Variants in STK32B observed in about 807,000 individuals in gnomAD.
The protein encoded by STK32B is serine/threonine kinase 32B.
Under a neutral mutation model 52.6 loss-of-function variants are expected in STK32B, and 43 were observed. That is an observed-to-expected ratio of 0.82 (90% CI 0.64 to 1.05). STK32B has a LOEUF of 1.05. STK32B is among the 50% of genes least tolerant of loss of function. The pLI, the probability that STK32B is intolerant of heterozygous loss-of-function variation, is 0.00. For synonymous variants in STK32B, 238 were observed against 204.3 expected (o/e 1.17, Z -1.41); for missense variants, 621 against 534.6 (o/e 1.16, Z -1.59).
intron 6 of STK32B, among the ~76,000 whole-genome samples, chr4:5,430,898 C>G (rs1207626862): frequency 6.6e-6 from 1 of 152,208 alleles, no homozygotes; most frequent in African/African-American, 2.4e-5. Flanking sequence ...AATAGGGTCT[C>G]TCTCTGTGCT....
chr4:5,451,776 A>G lies in STK32B; in HGVS notation c.666+5000A>G, dbSNP rs141867202. ...TTATGACAATCCAAAATGACTCCAA[A>G]CATTGCCACATATCCCCTGGGGGAC... is the stretch of plus-strand genomic sequence containing the variant. On this transcript the variant is annotated intron_variant, in intron 7 of 11. Coordinates refer to ENST00000282908, the MANE Select transcript of STK32B (RefSeq NM_018401.3). Among the ~76,000 whole-genome samples, 328 of 152,240 alleles carry G rather than the reference A, an allele frequency of 2.2e-3. 11 individuals are homozygous for G. The East Asian group carries it at 0.035, about 16-fold the overall frequency.
chr4:5,029,661 G>A, the STK32B span, among the ~76,000 whole-genome samples: 13 of 152,294 alleles, frequency 8.5e-5, no homozygotes, highest in African/African-American at 2.4e-4. Context: ...CAGGCTGTCC[G>A]ACACCTTGAT....
At chr4:5,047,472 T>G (rs956614584), upstream of STK32B, among the ~76,000 whole-genome samples, 1 of 151,960 alleles carries the variant, frequency 6.6e-6, no homozygotes, top group Non-Finnish European at 1.5e-5. Flanking sequence ...AAAATAAAAA[T>G]AAAAATAAAA....
intron 4 of STK32B, among the ~76,000 whole-genome samples, chr4:5,379,469 T>C (rs1735793746): frequency 6.6e-6 from 1 of 152,140 alleles, no homozygotes; most frequent in Non-Finnish European, 1.5e-5. Flanking sequence ...TTCCCATCTC[T>C]CCACATAAAA....
intron 8 of STK32B, among the ~76,000 whole-genome samples, chr4:5,459,876 C>G (rs1384886872): frequency 6.6e-6 from 1 of 152,212 alleles, no homozygotes; most frequent in East Asian, 1.9e-4. Flanking sequence ...CTAACAGTCC[C>G]TCACTGGATG....
intron 3 of STK32B, among the ~76,000 whole-genome samples, chr4:5,203,245 T>G (rs936077532): frequency 3.3e-5 from 5 of 152,236 alleles, no homozygotes; most frequent in Non-Finnish European, 4.4e-5. Context: ...ATGCACCTTT[T>G]TAGATTTTCT....
intron 1 of STK32B, among the ~76,000 whole-genome samples, chr4:5,132,797 C>CT (rs528617198): frequency 0.034 from 4,995 of 145,080 alleles, 95 homozygotes; most frequent in Middle Eastern, 0.07. Flanking sequence ...GAATTTACCA[C>CT]TTTTTTTTTT....
intron 1 of STK32B, among the ~76,000 whole-genome samples, chr4:5,097,621 C>G (rs527499742): frequency 6.6e-6 from 1 of 152,274 alleles, no homozygotes; most frequent in African/African-American, 2.4e-5. Context: ...AAGTGACATG[C>G]AAATCTTAGT....
chr4:5,066,298 C>A (rs1005151237), intron 1 of STK32B, among the ~76,000 whole-genome samples: 2 of 152,124 alleles, frequency 1.3e-5, no homozygotes, highest in African/African-American at 4.8e-5. Flanking sequence ...AAATAGCTCA[C>A]AAATCTGCCT....
the STK32B span, chr4:5,019,530 T>G: frequency 7.5e-7 from 1 of 1,342,082 alleles, no homozygotes. Flanking sequence ...CTCCACTTCC[T>G]GTGGGGCCAG....
At chr4:5,300,038 C>G (rs1304105446) in intron 3 of STK32B, among the ~76,000 whole-genome samples, 1 of 152,090 alleles carries the variant, frequency 6.6e-6, no homozygotes, top group Admixed American at 6.5e-5. Flanking sequence ...CCAATATCCT[C>G]AATGAAGTAC....
At chr4:5,099,744 T>C (rs1190058384) in intron 1 of STK32B, among the ~76,000 whole-genome samples, 1 of 152,078 alleles carries the variant, frequency 6.6e-6, no homozygotes, top group Non-Finnish European at 1.5e-5. Context: ...ACTGTAGGTA[T>C]ATGTGGTGAT....
intron 1 of STK32B, among the ~76,000 whole-genome samples, chr4:5,131,794 T>C (rs1715793593): frequency 6.6e-6 from 1 of 152,228 alleles, no homozygotes; most frequent in East Asian, 1.9e-4. Context: ...GACCACCCTG[T>C]CTAAAATTGC....
chr4:5,443,111 T>A (rs559558879), intron 6 of STK32B, among the ~76,000 whole-genome samples: 1 of 151,356 alleles, frequency 6.6e-6, no homozygotes, highest in Non-Finnish European at 1.5e-5. Flanking sequence ...AGGAGTATCT[T>A]GGTGGCATTC....
At chr4:5,412,777 G>T (rs1263060496) in intron 5 of STK32B, among the ~76,000 whole-genome samples, 2 of 152,148 alleles carry the variant, frequency 1.3e-5, no homozygotes, top group Non-Finnish European at 1.5e-5. Context: ...AAGGAGCCAG[G>T]GGTTGCATTT....
chr4:5,436,443 T>C (rs541731565), intron 6 of STK32B, among the ~76,000 whole-genome samples: 2 of 152,294 alleles, frequency 1.3e-5, no homozygotes, highest in East Asian at 3.9e-4. Flanking sequence ...ACACAGTTTA[T>C]GAAACAGCCA....
At chr4:5,316,452 A>G (rs867427001) in intron 3 of STK32B, among the ~76,000 whole-genome samples, 4 of 9,712 alleles carry the variant, frequency 4.1e-4, no homozygotes, top group Non-Finnish European at 4.9e-4. Flanking sequence ...TATTACATAT[A>G]TAATATATAA....
chr4:5,051,772 GC>G lies in STK32B; in HGVS notation c.-87del, dbSNP rs540447233. On this transcript the variant is annotated 5_prime_UTR_variant, in exon 1 of 12. Transcript: ENST00000282908. ...CGCGGCTACAACCCGGACTGGGCGC[GC>G]CCCCGGCATCCCGCATCTCTGCGCG... 401 of 1,523,914 alleles carry G rather than the reference GC, an allele frequency of 2.6e-4. 1 individual carries two copies. The African/African-American group carries it at 5.1e-3, about 19-fold the overall frequency. 94.4% of individuals were successfully genotyped at this position (1,523,914 alleles called of 1,614,324 possible).
At chr4:5,038,564 T>C in the STK32B span, among the ~76,000 whole-genome samples, 1 of 152,226 alleles carries the variant, frequency 6.6e-6, no homozygotes, top group African/African-American at 2.4e-5. Flanking sequence ...CTGAACACCA[T>C]AGGCAACTGT....
Sources: allele counts gnomAD v4.1 joint callset (sites outside exome capture counted in the v4.1 genomes callset), GRCh38; gene constraint gnomAD v4.1.1; transcripts MANE v1.5; gene names NCBI Gene and HGNC (gene_info 2026-07-23, HGNC 2026-07-21).